PKHD1L1: variants seen among roughly 807,000 people sequenced by gnomAD.
PKHD1L1 encodes the protein PKHD1 like 1, also known as fibrocystin-L.
PKHD1L1 carries 434 observed loss-of-function variants against 462.9 expected under a neutral mutation model. The ratio of observed to expected loss-of-function variants is 0.94; its 90% CI spans 0.87 to 1.02. The LOEUF (loss-of-function observed/expected upper bound fraction) is 1.02. Among genes scored for constraint, PKHD1L1 ranks in the 50% least tolerant of loss-of-function variants. The probability of loss-of-function intolerance (pLI) is 0.00; values close to 1 mark genes in which losing one functional copy is unlikely to be tolerated. For missense variants in PKHD1L1, 5,202 were observed against 5,096.1 expected, an observed-to-expected ratio of 1.02 and a Z score of -0.63; for synonymous variants, 1,781 against 1,750.0, an observed-to-expected ratio of 1.02 and a Z score of -0.44.
At chr8:109,500,806 A>T (rs561279464) in intron 67 of PKHD1L1, among the ~76,000 whole-genome samples, 2 of 151,874 alleles carry the variant, frequency 1.3e-5, no homozygotes, top group African/African-American at 2.4e-5. Context: ...TCCTGCCTTC[A>T]TTCTATAGAA....
intron 68 of PKHD1L1, among the ~76,000 whole-genome samples, chr8:109,506,141 C>T (rs550034587): frequency 6.6e-6 from 1 of 152,240 alleles, no homozygotes; most frequent in African/African-American, 2.4e-5. Context: ...GAAAATACCA[C>T]GTTTTCAAAT....
intron 2 of PKHD1L1, among the ~76,000 whole-genome samples, chr8:109,380,447 T>C (rs1032303583): frequency 6.6e-6 from 1 of 152,180 alleles, no homozygotes; most frequent in African/African-American, 2.4e-5. Context: ...AACTTATGCT[T>C]CCAGCTTCTT....
At chr8:109,433,270 G>C (rs1028087162) in intron 28 of PKHD1L1, 54 bp downstream of exon 28, 2 of 1,272,010 alleles carry the variant, frequency 1.6e-6, no homozygotes, top group South Asian at 1.2e-5. Context: ...AGATAAAGTG[G>C]AATCAAAGGG....
In PKHD1L1 at chr8:109,372,136, A is replaced by G. The variant is rs192509688; in HGVS notation, c.163+7500A>G. ...CAATATTGATTCTTCCTACCCATGA[A>G]CATGGAATGTTCTTCCATTTGTTTG... On this transcript the variant is annotated intron_variant, in intron 2 of 77. Coordinates refer to ENST00000378402, the MANE Select transcript of PKHD1L1 (RefSeq NM_177531.6). Among the ~76,000 whole-genome samples the G allele has an allele frequency of 3.8e-3, 579 of 152,216 alleles. 2 individuals carry two copies. Among genetic ancestry groups the G allele is most frequent in the African/African-American group, 0.013 (537 of 41,548 alleles).
chr8:109,492,383 A>G (rs1329960158), intron 62 of PKHD1L1, among the ~76,000 whole-genome samples: 2 of 151,830 alleles, frequency 1.3e-5, no homozygotes, highest in East Asian at 3.9e-4. Flanking sequence ...GATATTACTA[A>G]TTGGAACCTT....
chr8:109,437,676 A>G (rs1815511571), intron 30 of PKHD1L1, among the ~76,000 whole-genome samples: 1 of 152,142 alleles, frequency 6.6e-6, no homozygotes, highest in African/African-American at 2.4e-5. Flanking sequence ...ATCTGCAGGA[A>G]AAATAAATTT....
Position 109,459,831 on chromosome 8 carries a change from A to T in PKHD1L1, c.7241A>T (p.Asp2414Val), listed in dbSNP as rs1174640431. 2 of 1,608,552 alleles carry T rather than the reference A, an allele frequency of 1.2e-6. No individual in the cohort carries two copies. The highest frequency in any genetic ancestry group is 1.7e-6 in the Non-Finnish European group (2 of 1,176,946). The change falls in exon 47 of 78, where the codon GAC becomes GTC. Residue 2414 changes from aspartate (D) to valine (V), a missense_variant. Physicochemically the swap from Asp to Val is radical, Grantham distance 152 (BLOSUM62 -3). Transcript: ENST00000378402. ...ATTCCTGCATGTCCTGATGGATTTG[A>T]CACAGGTAATTTTAGCAGCTCTCGT... ...NKIPACPDGF[D>V]TGEFATQTCL...
At chr8:109,374,022 C>T (rs1192609101) in intron 2 of PKHD1L1, among the ~76,000 whole-genome samples, 1 of 152,132 alleles carries the variant, frequency 6.6e-6, no homozygotes, top group Non-Finnish European at 1.5e-5. Context: ...ATTAGGTCCG[C>T]TTGGTGCAGA....
At chr8:109,463,721 T>C (rs936358852) in intron 48 of PKHD1L1, among the ~76,000 whole-genome samples, 2 of 152,174 alleles carry the variant, frequency 1.3e-5, no homozygotes, top group African/African-American at 4.8e-5. Context: ...ATAAACAAGA[T>C]GCTCAGCCTT....
chr8:109,425,034 T>A (rs1563527185), intron 23 of PKHD1L1, 51 bp from the exon 24 acceptor site: 1 of 1,377,484 alleles, frequency 7.3e-7, no homozygotes, highest in Non-Finnish European at 9.8e-7. Context: ...AGAAATCATG[T>A]AAGCCATTGT....
chr8:109,387,896 T>C (rs1416974589), intron 6 of PKHD1L1, among the ~76,000 whole-genome samples: 1 of 152,190 alleles, frequency 6.6e-6, no homozygotes, highest in Non-Finnish European at 1.5e-5. Flanking sequence ...CAGCCTCCAA[T>C]AGCATCAGGT....
chr8:109,487,888 G>GA (rs1818618195), intron 59 of PKHD1L1, among the ~76,000 whole-genome samples: 1 of 140,474 alleles, frequency 7.1e-6, no homozygotes, highest in African/African-American at 2.7e-5. Context: ...GAGAGAGAGA[G>GA]AGAGGAAGGA....
chr8:109,489,581 C>T (rs1818724226), intron 59 of PKHD1L1, among the ~76,000 whole-genome samples: 1 of 151,806 alleles, frequency 6.6e-6, no homozygotes, highest in South Asian at 2.1e-4. Flanking sequence ...ATGCCTTATG[C>T]CATACATTCT....
In PKHD1L1 at chr8:109,461,858, G is replaced by A. The variant is rs765320350; in HGVS notation, c.7333G>A (p.Ala2445Thr). The A allele has an allele frequency of 1.9e-5, 30 of 1,605,794 alleles. No individual in the cohort carries two copies. In the South Asian group the frequency reaches 3.4e-4, roughly 18 times the overall value. ...DQFGGCVMFHAPVPGANMVTG... is the reference protein window; with the variant it reads ...DQFGGCVMFHTPVPGANMVTG... Reference sequence around the variant, plus strand: ...ATTTGGAGGCTGCGTTATGTTTCATGCTCCTGTACCTGGTGCTAACATGGT... The same window carrying A: ...ATTTGGAGGCTGCGTTATGTTTCATACTCCTGTACCTGGTGCTAACATGGT... The change falls in exon 48 of 78, where the codon GCT becomes ACT. Residue 2445 changes from alanine (A) to threonine (T), a missense_variant. Around this residue, in one of 3 missense-constraint regions of PKHD1L1, gnomAD observed 4,497 missense variants for 4,336.8 expected, o/e 1.04. Coordinates refer to ENST00000378402, the MANE Select transcript of PKHD1L1 (RefSeq NM_177531.6).
Position 109,444,854 on chromosome 8 carries a change from A to C in PKHD1L1, c.4985A>C (p.Asp1662Ala). ...CGATTTGTACTTTTGCCAAACATTG[A>C]CCTGGTGTTGCCAAATGCAGGATCA... is the stretch of plus-strand genomic sequence containing the variant. ...DRRFVLLPNIDLVLPNAGSTT... is the reference protein window; with the variant it reads ...DRRFVLLPNIALVLPNAGSTT... Residue 1662 changes from aspartate (D) to alanine (A), a missense_variant, in exon 38 of 78, where the codon GAC (aspartate) becomes GCC (alanine). Physicochemically the swap from Asp to Ala is moderately radical, Grantham distance 126. Transcript: ENST00000378402. The C allele has an allele frequency of 6.2e-7, 1 of 1,613,964 alleles. No homozygotes were observed. Among genetic ancestry groups the C allele is most frequent in the East Asian group, 2.2e-5 (1 of 44,878 alleles).
intron 6 of PKHD1L1, among the ~76,000 whole-genome samples, chr8:109,386,479 C>A (rs1005040014): frequency 6.6e-6 from 1 of 152,106 alleles, no homozygotes; most frequent in African/African-American, 2.4e-5. Flanking sequence ...GGTATATATA[C>A]ACACACATAC....
intron 70 of PKHD1L1, among the ~76,000 whole-genome samples, 183 bp downstream of exon 70, chr8:109,508,447 G>A (rs1457447520): frequency 1.3e-5 from 2 of 152,072 alleles, no homozygotes; most frequent in Admixed American, 1.3e-4. Context: ...CTCATCCAGG[G>A]AAGCAAGGAC....
At chr8:109,442,893 C>A in intron 35 of PKHD1L1, 53 bp from the exon 36 acceptor site, 1 of 1,523,442 alleles carries the variant, frequency 6.6e-7, no homozygotes, top group Non-Finnish European at 9.1e-7. Flanking sequence ...AGTCTCTTTT[C>A]AAATATGCAT....
chr8:109,489,564 A>G (rs182785604), intron 59 of PKHD1L1, among the ~76,000 whole-genome samples: 139 of 152,112 alleles, frequency 9.1e-4, no homozygotes, highest in Non-Finnish European at 1.8e-3. Flanking sequence ...CAGGTAAATT[A>G]TATTTTATGC....
Sources: allele counts gnomAD v4.1 joint callset (sites outside exome capture counted in the v4.1 genomes callset), GRCh38; gene constraint gnomAD v4.1.1; regional missense constraint gnomAD v4.1.1; transcripts MANE v1.5; gene names NCBI Gene and HGNC (gene_info 2026-07-23, HGNC 2026-07-21).